NKD2: variants seen among roughly 807,000 people sequenced by gnomAD.
NKD2 encodes the protein NKD inhibitor of Wnt signaling pathway 2.
Under a neutral mutation model 34.8 loss-of-function variants are expected in NKD2, and 43 were observed. The ratio of observed to expected loss-of-function variants is 1.24; its 90% CI spans 0.97 to 1.60. The LOEUF (loss-of-function observed/expected upper bound fraction) is 1.60, where lower values mean the gene tolerates loss of function less well. Ranked by LOEUF, NKD2 falls within the 40% of genes most tolerant of loss-of-function variation. The probability of loss-of-function intolerance (pLI) is 0.00; values close to 1 mark genes in which losing one functional copy is unlikely to be tolerated. For synonymous variants in NKD2, 278 were observed against 265.1 expected, an observed-to-expected ratio of 1.05 and a Z score of -0.47; for missense variants, 675 against 627.1, an observed-to-expected ratio of 1.08 and a Z score of -0.82.
In NKD2 at chr5:1,036,392, C is replaced by T. The variant is rs375572686; in HGVS notation, c.787+8C>T. On this transcript the variant is annotated splice_region_variant and intron_variant, in intron 9 of 9. Transcript: ENST00000296849. The stretch of plus-strand genomic sequence containing the variant: ...CGTCCAGATTCGGCCCTGGTAGGTC[C>T]TGGAGGCCACCCTGGGCGTGAGGCC... 2 of 1,609,960 alleles carry T rather than the reference C, an allele frequency of 1.2e-6. No homozygotes were observed. Among genetic ancestry groups the T allele is most frequent in the African/African-American group, 2.7e-5 (2 of 74,812 alleles).
In NKD2 at chr5:1,021,215, G is replaced by T. The variant is rs1382705355; in HGVS notation, c.142-10937G>T. On this transcript the variant is annotated intron_variant, in intron 3 of 9. Coordinates refer to ENST00000296849, the MANE Select transcript of NKD2 (RefSeq NM_033120.4). ...AAGATCTCTCAAACCCAGAAGAACC[G>T]ATGGGCAAAATCTGCAAATGCCTCT... 3.9e-5 allele frequency among the ~76,000 whole-genome samples: 6 copies of T among 152,140 alleles called. No individual in the cohort carries two copies. The East Asian group carries it at 1.2e-3, about 29-fold the overall frequency.
intron 4 of NKD2, 53 bp downstream of exon 4, chr5:1,032,265 T>A (rs995368584): frequency 6.9e-7 from 1 of 1,459,490 alleles, no homozygotes; most frequent in Non-Finnish European, 9.6e-7. Context: ...CTTCATCCCG[T>A]ACCAAGGCAA....
intron 3 of NKD2, among the ~76,000 whole-genome samples, chr5:1,018,142 C>T (rs1178490806): frequency 6.6e-6 from 1 of 152,158 alleles, no homozygotes; most frequent in Non-Finnish European, 1.5e-5. Context: ...AGAATGGCGG[C>T]CCCCACCCAT....
intron 8 of NKD2, 28 bp from the exon 9 acceptor site, chr5:1,036,229 G>A (rs553960862): frequency 1.3e-6 from 2 of 1,562,722 alleles, no homozygotes; most frequent in East Asian, 2.3e-5. Context: ...CTGTGCGGGG[G>A]TCAGGCCCTT....
At chr5:1,027,308 G>T (rs554778657) in intron 3 of NKD2, among the ~76,000 whole-genome samples, 1 of 152,228 alleles carries the variant, frequency 6.6e-6, no homozygotes, top group Non-Finnish European at 1.5e-5. Context: ...TGCTGGTGGC[G>T]ATGAAAGCTG....
intron 3 of NKD2, among the ~76,000 whole-genome samples, chr5:1,012,338 G>T (rs1200825435): frequency 6.6e-6 from 1 of 152,270 alleles, no homozygotes; most frequent in African/African-American, 2.4e-5. Context: ...GTGCGTGGAG[G>T]AGGCCGTGGC....
At chr5:1,035,292 G>GAGTGAGTT (rs1733834793) in intron 7 of NKD2, 97 bp from the exon 8 acceptor site, 2 of 981,742 alleles carry the variant, frequency 2.0e-6, no homozygotes, top group Non-Finnish European at 3.1e-6. Flanking sequence ...GTTAATGAAT[G>GAGTGAGTT]AATGAATGAG....
chr5:1,032,767 G>C (rs979612875), intron 4 of NKD2, among the ~76,000 whole-genome samples: 1 of 152,252 alleles, frequency 6.6e-6, no homozygotes, highest in Non-Finnish European at 1.5e-5. Context: ...CAGGCCCAGA[G>C]CATCGTCCCA....
At chr5:1,032,000 G>T in intron 3 of NKD2, 152 bp from the exon 4 acceptor site, 1 of 665,230 alleles carries the variant, frequency 1.5e-6, no homozygotes, top group Non-Finnish European at 2.7e-6. Flanking sequence ...AGTGGGGCAC[G>T]AAGGGTTGGT....
chr5:1,012,639 T>C (rs1755798056), intron 3 of NKD2, among the ~76,000 whole-genome samples: 1 of 152,252 alleles, frequency 6.6e-6, no homozygotes, highest in Non-Finnish European at 1.5e-5. Flanking sequence ...GCCCTCAGCA[T>C]GGCCTTGCTC....
chr5:1,037,550 C>T (rs1691168582), intron 9 of NKD2: 8 of 1,535,942 alleles, frequency 5.2e-6, no homozygotes, highest in South Asian at 1.2e-5. Context: ...AGAAGCTCCG[C>T]TCCCAGGACA....
chr5:1,032,327 C>T (rs1756678605), intron 4 of NKD2, 115 bp downstream of exon 4: 2 of 780,594 alleles, frequency 2.6e-6, no homozygotes, highest in African/African-American at 1.8e-5. Context: ...GGGCACTTCC[C>T]AGGCTTAGAC....
rs1170742441 is a variant in NKD2 at position 1,009,432 on chromosome 5, C to G, written c.62-49C>G. ...CGCCCGCGGGGCTCACGGCGCGTCT[C>G]TTTCCCTCCTCGGTGCGGGTTTCCC... On this transcript the variant is annotated intron_variant, in intron 2 of 9. Coordinates refer to ENST00000296849, the MANE Select transcript of NKD2 (RefSeq NM_033120.4). This position sits in a 1 kb window ranked among gnomAD's most constrained non-coding sequence, Gnocchi z 6.9. 6.9e-7 allele frequency: 1 copy of G among 1,451,342 alleles called. No individual in the cohort carries two copies. Among genetic ancestry groups the G allele is most frequent in the East Asian group, 2.9e-5 (1 of 34,634 alleles). 89.9% of individuals were successfully genotyped at this position (1,451,342 alleles called of 1,614,324 possible).
At chr5:1,028,015 G>A (rs1756491264) in intron 3 of NKD2, among the ~76,000 whole-genome samples, 1 of 152,186 alleles carries the variant, frequency 6.6e-6, no homozygotes, top group Non-Finnish European at 1.5e-5. Context: ...CTGGCACGTG[G>A]GGAACACACT....
intron 3 of NKD2, among the ~76,000 whole-genome samples, chr5:1,016,715 G>A (rs1402561715): frequency 6.6e-6 from 1 of 152,196 alleles, no homozygotes; most frequent in Non-Finnish European, 1.5e-5. Flanking sequence ...CCTTAAGGCC[G>A]TGGTCCTGCG....
At position 1,033,601 on chromosome 5, in the gene NKD2, T is replaced by C; in HGVS notation, c.330+102T>C. ...AAACTGGGCATCTGTGGACACGGCG[T>C]AGTTCACTCAGTCTTCCCCACAGTT... On this transcript the variant is annotated intron_variant, in intron 5 of 9. Coordinates refer to ENST00000296849, the MANE Select transcript of NKD2 (RefSeq NM_033120.4). The C allele has an allele frequency of 2.2e-6, 3 of 1,337,852 alleles. No individual in the cohort carries two copies. The South Asian group carries it at 4.5e-5, about 20-fold the overall frequency. The allele number at this position is 1,337,852 out of a possible 1,614,324, so 82.9% of individuals were successfully genotyped here.
chr5:1,026,946 C>A (rs2150740245), intron 3 of NKD2, among the ~76,000 whole-genome samples: 1 of 152,376 alleles, frequency 6.6e-6, no homozygotes, highest in Middle Eastern at 3.4e-3. Flanking sequence ...CCCTCGATGC[C>A]ACGACAGCCC....
At chr5:1,012,251 A>C (rs1474360043) in intron 3 of NKD2, among the ~76,000 whole-genome samples, 1 of 152,268 alleles carries the variant, frequency 6.6e-6, no homozygotes, top group Admixed American at 6.5e-5. Context: ...GGCTTCCATG[A>C]AGTAGTGCTG....
intron 3 of NKD2, among the ~76,000 whole-genome samples, chr5:1,012,136 C>T (rs1294153666): frequency 6.6e-6 from 1 of 152,252 alleles, no homozygotes; most frequent in East Asian, 1.9e-4. Context: ...ACCATCTGGT[C>T]TGCGAGACTA....
Sources: gnomAD v4.1 joint callset for allele counts (sites outside exome capture counted in the v4.1 genomes callset) on GRCh38, gnomAD v4.1.1 for gene constraint, Gnocchi (gnomAD v3.1) non-coding constraint, MANE v1.5 for transcripts, NCBI Gene and HGNC (gene_info 2026-07-23, HGNC 2026-07-21) for gene names.